PLD5: variants seen among roughly 807,000 people sequenced by gnomAD.
The protein encoded by PLD5 is inactive phospholipase D5.
Under a neutral mutation model 61.1 loss-of-function variants are expected in PLD5, and 36 were observed. That is an observed-to-expected ratio of 0.59 (90% CI 0.45 to 0.78). The LOEUF is 0.78. PLD5 is among the 30% of genes least tolerant of loss of function. The pLI is 0.00. For missense variants in PLD5, 515 were observed against 644.4 expected, an observed-to-expected ratio of 0.80 and a Z score of 2.17; for synonymous variants, 243 against 242.8, an observed-to-expected ratio of 1.00 and a Z score of -0.01.
chr1:242,236,853 C>T (rs1460915975), intron 4 of PLD5, among the ~76,000 whole-genome samples: 1 of 152,184 alleles, frequency 6.6e-6, no homozygotes, highest in Non-Finnish European at 1.5e-5. Context: ...TTCTAAACCT[C>T]TCCTTAGAAA....
intron 5 of PLD5, among the ~76,000 whole-genome samples, chr1:242,143,588 C>T (rs2636257): frequency 0.6 from 91,156 of 151,986 alleles, 28,114 homozygotes; most frequent in African/African-American, 0.74. Flanking sequence ...AAATAAAGGT[C>T]GGGAGGTGAG....
chr1:242,494,728 G>C (rs1459367120), intron 1 of PLD5, among the ~76,000 whole-genome samples: 1 of 152,034 alleles, frequency 6.6e-6, no homozygotes, highest in African/African-American at 2.4e-5. Context: ...AACTGAAAAA[G>C]AACTTCACCC....
intron 2 of PLD5, among the ~76,000 whole-genome samples, chr1:242,337,837 A>G (rs1028861701): frequency 1.3e-5 from 2 of 152,172 alleles, no homozygotes; most frequent in Admixed American, 1.3e-4. Flanking sequence ...GGTCATCTGA[A>G]CTTACCTAAG....
intron 1 of PLD5, among the ~76,000 whole-genome samples, chr1:242,409,185 T>C (rs926268533): frequency 1.3e-5 from 2 of 152,196 alleles, no homozygotes; most frequent in Non-Finnish European, 2.9e-5. Context: ...GACTAGCTTA[T>C]TGGCCTTGGG....
intron 5 of PLD5, among the ~76,000 whole-genome samples, chr1:242,194,642 C>CTATG (rs1668514640): frequency 1.6e-5 from 2 of 125,932 alleles, no homozygotes; most frequent in African/African-American, 6.0e-5. Flanking sequence ...ATCTATCTAT[C>CTATG]TATCTATCTA....
chr1:242,360,593 G>C (rs2118978), intron 1 of PLD5, among the ~76,000 whole-genome samples: 1 of 151,976 alleles, frequency 6.6e-6, no homozygotes, highest in African/African-American at 2.4e-5. Context: ...TATTCCATCT[G>C]CCTATCTAAC....
At chr1:242,300,529 G>A (rs113556584) in intron 2 of PLD5, among the ~76,000 whole-genome samples, 8,807 of 151,976 alleles carry the variant, frequency 0.058, 298 homozygotes, top group Middle Eastern at 0.11. Context: ...GAACATCAGG[G>A]AGGCCAATGT....
chr1:242,217,749 C>T lies in PLD5; in HGVS notation c.735+2239G>A, dbSNP rs190259430. On this transcript the variant is annotated intron_variant, in intron 5 of 9. Transcript: ENST00000536534. ...GGTTTAAGACTTCAGTGCAGGAAGT[C>T]ACTGCAGATGTGATGGAAATAACAA... is the stretch of plus-strand genomic sequence containing the variant. Among the ~76,000 whole-genome samples the T allele has an allele frequency of 2.0e-5, 3 of 152,242 alleles. No individual in the cohort carries two copies. The East Asian group carries it at 5.8e-4, about 29-fold the overall frequency.
chr1:242,240,024 TA>T, intron 4 of PLD5, among the ~76,000 whole-genome samples: 1 of 152,212 alleles, frequency 6.6e-6, no homozygotes, highest in Non-Finnish European at 1.5e-5. Context: ...GAGTGGCCCT[TA>T]GATTTTCTAC....
chr1:242,319,844 C>G (rs1178959344), intron 2 of PLD5, among the ~76,000 whole-genome samples: 4 of 152,214 alleles, frequency 2.6e-5, no homozygotes, highest in Non-Finnish European at 4.4e-5. Flanking sequence ...TCCTCTACCC[C>G]CTCTCACATG....
intron 2 of PLD5, among the ~76,000 whole-genome samples, chr1:242,301,268 C>T (rs558622436): frequency 3.3e-4 from 51 of 152,338 alleles, no homozygotes; most frequent in Non-Finnish European, 6.5e-4. Flanking sequence ...TAAGCTACAT[C>T]TTCCAATTTA....
chr1:242,161,342 T>C (rs985026188), intron 5 of PLD5, among the ~76,000 whole-genome samples: 9 of 151,904 alleles, frequency 5.9e-5, no homozygotes, highest in African/African-American at 1.9e-4. Context: ...TTCACTACCA[T>C]GAGAACAGCA....
chr1:242,491,776 T>G (rs957522975), intron 1 of PLD5, among the ~76,000 whole-genome samples: 8 of 152,342 alleles, frequency 5.3e-5, no homozygotes, highest in Non-Finnish European at 4.4e-5. Context: ...CTTCAGGCCA[T>G]CCTTAGATGC....
At chr1:242,415,659 C>T (rs943830695) in intron 1 of PLD5, among the ~76,000 whole-genome samples, 5 of 151,904 alleles carry the variant, frequency 3.3e-5, no homozygotes, top group Non-Finnish European at 7.4e-5. Flanking sequence ...ACTACAGGCA[C>T]CCGCCACCAC....
chr1:242,254,854 G>C (rs1249441599), intron 4 of PLD5, among the ~76,000 whole-genome samples: 1 of 152,208 alleles, frequency 6.6e-6, no homozygotes, highest in African/African-American at 2.4e-5. Flanking sequence ...GGCCAAACGA[G>C]CATAGGATGA....
chr1:242,183,305 C>A (rs928552812), intron 5 of PLD5, among the ~76,000 whole-genome samples: 1 of 151,962 alleles, frequency 6.6e-6, no homozygotes, highest in Non-Finnish European at 1.5e-5. Context: ...TAATGTTATC[C>A]AATGACTGTC....
chr1:242,409,097 A>G (rs1052571365), intron 1 of PLD5, among the ~76,000 whole-genome samples: 1 of 149,750 alleles, frequency 6.7e-6, no homozygotes, highest in African/African-American at 2.5e-5. Flanking sequence ...AAAAGAAAAG[A>G]AAAACAAGAA....
intron 1 of PLD5, among the ~76,000 whole-genome samples, chr1:242,516,959 G>A (rs908234160): frequency 2.0e-5 from 3 of 152,176 alleles, no homozygotes; most frequent in African/African-American, 7.2e-5. Context: ...CTAAGTATTT[G>A]ACATATTTAT....
intron 5 of PLD5, among the ~76,000 whole-genome samples, chr1:242,167,798 C>T (rs1368819695): frequency 6.6e-6 from 1 of 152,188 alleles, no homozygotes; most frequent in Non-Finnish European, 1.5e-5. Context: ...CAATGTGTGT[C>T]GTGCATCACG....
Sources: gnomAD v4.1 joint callset for allele counts (sites outside exome capture counted in the v4.1 genomes callset) on GRCh38, gnomAD v4.1.1 for gene constraint, MANE v1.5 for transcripts, NCBI Gene and HGNC (gene_info 2026-07-23, HGNC 2026-07-21) for gene names.